Variants in CARMIL3 observed in about 807,000 individuals in gnomAD.
CARMIL3 encodes capping protein, Arp2/3 and myosin-I linker protein 3.
CARMIL3 carries 88 observed loss-of-function variants against 180.8 expected under a neutral mutation model. The ratio of observed to expected loss-of-function variants is 0.49; its 90% CI spans 0.41 to 0.58. The LOEUF is 0.58. CARMIL3 is among the 20% of genes least tolerant of loss of function. The pLI is 0.00. For missense variants in CARMIL3, 1,548 were observed against 1,787.0 expected (o/e 0.87, Z 2.41); for synonymous variants, 696 against 714.5 (o/e 0.97, Z 0.41).
intron 10 of CARMIL3, 104 bp downstream of exon 10, chr14:24,055,893 C>T: frequency 9.2e-7 from 1 of 1,086,410 alleles, no homozygotes. Context: ...TTATCCAGTG[C>T]CTCTCTCTAC....
Position 24,059,907 on chromosome 14 carries a change from A to C in CARMIL3, c.1869-63A>C. On this transcript the variant is annotated intron_variant, in intron 22 of 39. Transcript: ENST00000342740. This position sits in a 1 kb window ranked among gnomAD's most constrained non-coding sequence, Gnocchi z 6.3. ...GGGGGCTGGAGGGCTGCTCACCAAC[A>C]GAGGAGGCAGGGGCCTCCCATCCTC... The C allele has an allele frequency of 6.3e-7, 1 of 1,584,378 alleles. No individual in the cohort carries two copies. Among genetic ancestry groups the C allele is most frequent in the Non-Finnish European group, 8.7e-7 (1 of 1,154,136 alleles).
chr14:24,055,022 C>T (rs2035657735), intron 6 of CARMIL3, 44 bp from the exon 7 acceptor site: 1 of 1,598,636 alleles, frequency 6.3e-7, no homozygotes, highest in African/African-American at 1.3e-5. Context: ...GCCTATTCCC[C>T]ATCTCCTTAC....
rs1352525520 is a variant in CARMIL3, at chr14:24,061,515, G to A, written c.2323G>A (p.Val775Ile). Residue 775 changes from valine (V) to isoleucine (I), a missense_variant, in exon 27 of 40, where the codon GTC (valine) becomes ATC (isoleucine). Physicochemically the swap from Val to Ile is conservative, Grantham distance 29. This residue lies in a region of CARMIL3 where 297 missense variants were observed against 415.9 expected (regional missense o/e 0.71). Coordinates refer to ENST00000342740, the MANE Select transcript of CARMIL3 (RefSeq NM_138360.4). The surrounding 1 kb of genome is among the most constrained non-coding windows in gnomAD (Gnocchi z 4.1). ...ATACTAGGTGATCCTGGAGTCCATGGTCAGCCTGACACAGGAGTTATGCCC... is the reference window on the plus strand; with the variant it reads ...ATACTAGGTGATCCTGGAGTCCATGATCAGCCTGACACAGGAGTTATGCCC... ...KELQVILESM[V>I]SLTQELCPVA... The A allele has an allele frequency of 6.2e-7, 1 of 1,613,504 alleles. No individual in the cohort carries two copies. Among genetic ancestry groups the A allele is most frequent in the African/African-American group, 1.3e-5 (1 of 74,920 alleles).
chr14:24,066,306 A>G (rs2035785998), intron 34 of CARMIL3, 92 bp from the exon 35 acceptor site: 1 of 1,432,548 alleles, frequency 7.0e-7, no homozygotes, highest in South Asian at 1.2e-5. Context: ...TGACATGAGA[A>G]TGACATGGAG....
Position 24,055,591 on chromosome 14 carries a change from C to G in CARMIL3, c.654C>G (p.Thr218=), listed in dbSNP as rs148284890. ...VAALAYNQWF[T]KLYCKDLRLG... ...CCCTGGCCTACAACCAGTGGTTCAC[C>G]AAACTCTACTGCAAGGACTTGCGGC... Residue 218 remains threonine, a synonymous_variant, in exon 9 of 40, where the codon ACC becomes ACG. Transcript: ENST00000342740. 4 of 1,614,150 alleles carry G rather than the reference C, an allele frequency of 2.5e-6. No individual in the cohort carries two copies. Among genetic ancestry groups the G allele is most frequent in the Non-Finnish European group, 3.4e-6 (4 of 1,180,024 alleles).
Position 24,061,001 on chromosome 14 carries a change from A to G in CARMIL3, c.2265A>G (p.Val755=). Residue 755 remains valine, a synonymous_variant, in exon 26 of 40, where the codon GTA becomes GTG. Coordinates refer to ENST00000342740, the MANE Select transcript of CARMIL3 (RefSeq NM_138360.4). The surrounding 1 kb of genome is among the most constrained non-coding windows in gnomAD (Gnocchi z 4.1). ...CTGTGCGGCAGAGGCTGGAATCAGT[A>G]GCAAGTGAGGTGTCCAAAGCTGTGG... ...DGPVRQRLES[V]ASEVSKAVDK... The G allele has an allele frequency of 6.4e-7, 1 of 1,551,686 alleles. No homozygotes were observed. Among genetic ancestry groups the G allele is most frequent in the Non-Finnish European group, 8.7e-7 (1 of 1,146,978 alleles).
In CARMIL3 at chr14:24,057,772, C is replaced by T. The variant is rs1447922528; in HGVS notation, c.1141-31C>T. The T allele has an allele frequency of 4.4e-6, 7 of 1,594,518 alleles. No individual in the cohort carries two copies. The Admixed American group carries it at 8.5e-5, about 19-fold the overall frequency. On this transcript the variant is annotated intron_variant, in intron 14 of 39. Coordinates refer to ENST00000342740, the MANE Select transcript of CARMIL3 (RefSeq NM_138360.4). ...TGCCACCCCCTACCCCCTTCCAGCT[C>T]CCCTGAGACCCACCATATCTCCCCC...
chr14:24,059,810 C>T lies in CARMIL3; in HGVS notation c.1868+78C>T, dbSNP rs1183974754. ...GGATCAGGCCTGAACTACTCTTGCC[C>T]CACCCTAGCCCCTTTGACCTATTTG... On this transcript the variant is annotated intron_variant, in intron 22 of 39. Transcript: ENST00000342740. The surrounding 1 kb of genome is among the most constrained non-coding windows in gnomAD (Gnocchi z 6.3). The T allele has an allele frequency of 1.9e-6, 3 of 1,551,470 alleles. No individual in the cohort carries two copies. The highest frequency in any genetic ancestry group is 2.7e-6 in the Non-Finnish European group (3 of 1,125,208).
chr14:24,066,471 A>G lies in CARMIL3; in HGVS notation c.3592+7A>G. 6.2e-7 allele frequency: 1 copy of G among 1,614,190 alleles called. No individual in the cohort carries two copies. The highest frequency in any genetic ancestry group is 8.5e-7 in the Non-Finnish European group (1 of 1,180,032). ...CGCTCTTCAGACGACGCAGGTAAGAACAGTCACATTCAAAGCCCTTTTGGA... is the reference window on the plus strand; with the variant it reads ...CGCTCTTCAGACGACGCAGGTAAGAGCAGTCACATTCAAAGCCCTTTTGGA... On this transcript the variant is annotated splice_region_variant and intron_variant, in intron 35 of 39. Transcript: ENST00000342740.
chr14:24,061,055 A>G lies in CARMIL3; in HGVS notation c.2304+15A>G, dbSNP rs1170546487. ...AGGAGCTGCAGGCAAGTCCTGGAGG[A>G]GGGAGGAATCCATGGTGGGAACCTA... is the stretch of plus-strand genomic sequence containing the variant. On this transcript the variant is annotated intron_variant, in intron 26 of 39. Transcript: ENST00000342740. The surrounding 1 kb of genome is among the most constrained non-coding windows in gnomAD (Gnocchi z 4.1). 4 of 1,548,438 alleles carry G rather than the reference A, an allele frequency of 2.6e-6. No individual in the cohort carries two copies. Among genetic ancestry groups the G allele is most frequent in the Non-Finnish European group, 3.5e-6 (4 of 1,144,350 alleles).
chr14:24,059,019 A>T lies in CARMIL3; in HGVS notation c.1571+33A>T. ...CCCCTTTCCATGCCCACAGACCCTC[A>T]TCCCATCATTCACCCATCCTCTTGG... On this transcript the variant is annotated intron_variant, in intron 19 of 39. Coordinates refer to ENST00000342740, the MANE Select transcript of CARMIL3 (RefSeq NM_138360.4). This position sits in a 1 kb window ranked among gnomAD's most constrained non-coding sequence, Gnocchi z 6.3. 1 of 1,610,860 alleles carries T rather than the reference A, an allele frequency of 6.2e-7. No individual in the cohort carries two copies. The highest frequency in any genetic ancestry group is 2.2e-5 in the East Asian group (1 of 44,840).
Position 24,054,096 on chromosome 14 carries a change from C to A in CARMIL3, c.144C>A (p.Thr48=), listed in dbSNP as rs2035645890. The change falls in exon 3 of 40, where the codon ACC becomes ACA. Residue 48 remains threonine, a synonymous_variant. Coordinates refer to ENST00000342740, the MANE Select transcript of CARMIL3 (RefSeq NM_138360.4). This position sits in a 1 kb window ranked among gnomAD's most constrained non-coding sequence, Gnocchi z 5.1. ...KKFEDRVLAL[T]SWRLHLFLLK... ...TTTTCCTCTCTCTGTAGGCCCTGAC[C>A]TCCTGGCGCCTCCACCTCTTCCTCC... The A allele has an allele frequency of 6.2e-7, 1 of 1,613,870 alleles. No homozygotes were observed. The highest frequency in any genetic ancestry group is 8.5e-7 in the Non-Finnish European group (1 of 1,179,994).
At position 24,057,858 on chromosome 14, in the gene CARMIL3, C is replaced by G; in HGVS notation, c.1196C>G (p.Ala399Gly). ...CCSHLTYLNL[A>G]RNSCSHRKGR... The stretch of plus-strand genomic sequence containing the variant: ...TCCCACCTCACCTACCTCAACCTGG[C>G]TCGCAACAGCTGCTCCCACAGGTGG... The change falls in exon 15 of 40, where the codon GCT (alanine) becomes GGT (glycine). Residue 399 changes from alanine (A) to glycine (G), a missense_variant. Ala to Gly is a moderately conservative substitution (Grantham distance 60). Around this residue, in one of 4 missense-constraint regions of CARMIL3, gnomAD observed 578 missense variants for 666.5 expected, o/e 0.87. Coordinates refer to ENST00000342740, the MANE Select transcript of CARMIL3 (RefSeq NM_138360.4). The G allele has an allele frequency of 1.2e-6, 2 of 1,612,676 alleles. No homozygotes were observed. The highest frequency in any genetic ancestry group is 1.7e-6 in the Non-Finnish European group (2 of 1,179,928).
intron 24 of CARMIL3, 147 bp downstream of exon 24, chr14:24,060,402 C>T: frequency 9.0e-7 from 1 of 1,108,124 alleles, no homozygotes; most frequent in African/African-American, 1.5e-5. Flanking sequence ...AAAGAGAGGA[C>T]ATGCAGGATA....
In CARMIL3 at chr14:24,058,581, ATGACTT is replaced by A; in HGVS notation, c.1393-95_1393-90del. 1.1e-6 allele frequency: 1 copy of A among 924,140 alleles called. No individual in the cohort carries two copies. The highest frequency in any genetic ancestry group is 1.7e-6 in the Non-Finnish European group (1 of 605,238). 57.2% of individuals were successfully genotyped at this position (924,140 alleles called of 1,614,324 possible). ...CCTGATTTTACACCCAGATCCTGGC[ATGACTT>A]TGAGTTCTGGTGTGACTACTATATC... On this transcript the variant is annotated intron_variant, in intron 17 of 39. Coordinates refer to ENST00000342740, the MANE Select transcript of CARMIL3 (RefSeq NM_138360.4). This position sits in a 1 kb window ranked among gnomAD's most constrained non-coding sequence, Gnocchi z 6.4.
Position 24,056,321 on chromosome 14 carries a change from G to T in CARMIL3, c.793G>T (p.Gly265Trp). 6.2e-7 allele frequency: 1 copy of T among 1,613,940 alleles called. No individual in the cohort carries two copies. Among genetic ancestry groups the T allele is most frequent in the Non-Finnish European group, 8.5e-7 (1 of 1,179,878 alleles). The stretch of plus-strand genomic sequence containing the variant: ...AAGGGACTTTGTCCAGAAGCTGGCC[G>T]GGGTGTTTGGGGAGAACGGGAGCTG... The part of the protein sequence containing the change: ...LKTDFVQKLA[G>W]VFGENGSCVL... Residue 265 changes from glycine (G) to tryptophan (W), a missense_variant, in exon 11 of 40, where the codon GGG (glycine) becomes TGG (tryptophan). Around this residue, in one of 4 missense-constraint regions of CARMIL3, gnomAD observed 578 missense variants for 666.5 expected, o/e 0.87. Transcript: ENST00000342740.
rs1594558566 is a variant in CARMIL3 at position 24,069,634 on chromosome 14, T to G, written c.*230T>G. On this transcript the variant is annotated 3_prime_UTR_variant, in exon 40 of 40. Coordinates refer to ENST00000342740, the MANE Select transcript of CARMIL3 (RefSeq NM_138360.4). ...CCTCTCTCTGCAGAGAGCTTCTGGG[T>G]GGGGGCTTATCTCCTCCCCCAGGAG... 1.7e-6 allele frequency: 1 copy of G among 586,986 alleles called. No individual in the cohort carries two copies. The highest frequency in any genetic ancestry group is 2.8e-5 in the East Asian group (1 of 35,394). The allele number at this position is 586,986 out of a possible 1,614,324, so 36.4% of individuals were successfully genotyped here. A position where few individuals can be genotyped will look rare whatever the true frequency, so the allele number is the denominator to read the frequency against.
chr14:24,062,277 C>A, intron 27 of CARMIL3: 1 of 607,490 alleles, frequency 1.6e-6, no homozygotes, highest in South Asian at 1.9e-5. Flanking sequence ...GGGCTGGGGG[C>A]TCTGGGGTGG....
intron 36 of CARMIL3, among the ~76,000 whole-genome samples, chr14:24,067,158 C>T (rs1026829510): frequency 2.0e-5 from 3 of 152,242 alleles, no homozygotes; most frequent in Non-Finnish European, 1.5e-5. Context: ...GGTCAGAAAC[C>T]TGCAGTATTA....
Sources: allele counts gnomAD v4.1 joint callset (sites outside exome capture counted in the v4.1 genomes callset), GRCh38; gene constraint gnomAD v4.1.1; regional missense constraint gnomAD v4.1.1; non-coding constraint Gnocchi (gnomAD v3.1); transcripts MANE v1.5; gene names NCBI Gene and HGNC (gene_info 2026-07-23, HGNC 2026-07-21).